Variants in VPS41 observed in about 807,000 individuals in gnomAD.
The protein encoded by VPS41 is vacuolar protein sorting-associated protein 41 homolog.
A neutral mutation model predicts 130.9 loss-of-function variants in VPS41; 85 were observed. That is an observed-to-expected ratio of 0.65 (90% CI 0.55 to 0.78). VPS41 has a LOEUF of 0.78. Ranked by LOEUF, VPS41 falls within the 30% of genes least tolerant of loss-of-function variation. The pLI is 0.00. For missense variants in VPS41, 874 were observed against 1,018.7 expected, an observed-to-expected ratio of 0.86 and a Z score of 1.93; for synonymous variants, 335 against 332.9, an observed-to-expected ratio of 1.01 and a Z score of -0.07.
chr7:38,868,152 G>T (rs900534623), intron 3 of VPS41, among the ~76,000 whole-genome samples: 2 of 152,126 alleles, frequency 1.3e-5, no homozygotes, highest in Non-Finnish European at 2.9e-5. Context: ...AGGGTCACTG[G>T]AATGAAATTT....
rs1443015568 is a variant in VPS41 at position 38,817,873 on chromosome 7, C to T, written c.394G>A (p.Val132Met). The change falls in exon 7 of 29, where the codon GTG becomes ATG. Residue 132 changes from valine to methionine, a missense_variant. Physicochemically the swap from Val to Met is conservative, Grantham distance 21 (BLOSUM62 1). Coordinates refer to ENST00000310301, the MANE Select transcript of VPS41 (RefSeq NM_014396.4). ...TFDCPIKIIAVHPHFVRSSCK... is the reference protein window; with the variant it reads ...TFDCPIKIIAMHPHFVRSSCK... ...CTGGATCTCACGAAATGTGGGTGCA[C>T]AGCAATAATCTACAAGAGAAACAGA... The T allele has an allele frequency of 6.2e-7, 1 of 1,613,934 alleles. No individual in the cohort carries two copies.
chr7:38,906,010 G>A (rs1028288150), intron 1 of VPS41, among the ~76,000 whole-genome samples: 2 of 151,802 alleles, frequency 1.3e-5, no homozygotes, highest in African/African-American at 2.4e-5. Flanking sequence ...TGGCCCGTCT[G>A]GTCTCGAACT....
At chr7:38,898,020 G>T in intron 2 of VPS41, 71 bp downstream of exon 2, 2 of 1,420,558 alleles carry the variant, frequency 1.4e-6, no homozygotes, top group South Asian at 1.2e-5. Flanking sequence ...GTTGCATTTA[G>T]CAAAGAAGCG....
intron 25 of VPS41, among the ~76,000 whole-genome samples, chr7:38,735,011 G>A (rs1795736217): frequency 6.6e-6 from 1 of 152,026 alleles, no homozygotes; most frequent in African/African-American, 2.4e-5. Flanking sequence ...GAGATCCTAA[G>A]GTCTTATGTT....
chr7:38,774,728 C>A (rs1784225145), intron 11 of VPS41, among the ~76,000 whole-genome samples: 1 of 152,116 alleles, frequency 6.6e-6, no homozygotes, highest in Non-Finnish European at 1.5e-5. Context: ...ATGTGAATCT[C>A]ATTTTATACT....
chr7:38,872,454 T>C (rs1786388972), intron 2 of VPS41, among the ~76,000 whole-genome samples: 1 of 152,242 alleles, frequency 6.6e-6, no homozygotes, highest in Non-Finnish European at 1.5e-5. Flanking sequence ...GAGGCCATCA[T>C]GCAGGCTATT....
intron 10 of VPS41, among the ~76,000 whole-genome samples, chr7:38,785,150 G>A (rs1784417826): frequency 6.6e-6 from 1 of 152,182 alleles, no homozygotes; most frequent in Admixed American, 6.6e-5. Context: ...ATAATCAACT[G>A]GATGTAATAC....
At chr7:38,879,382 T>C (rs1280894097) in intron 2 of VPS41, among the ~76,000 whole-genome samples, 1 of 152,182 alleles carries the variant, frequency 6.6e-6, no homozygotes, top group African/African-American at 2.4e-5. Flanking sequence ...GTAGAGATGC[T>C]TGTTAGGGGC....
intron 25 of VPS41, among the ~76,000 whole-genome samples, chr7:38,737,956 T>C (rs930401992): frequency 1.1e-4 from 16 of 152,196 alleles, no homozygotes; most frequent in African/African-American, 3.4e-4. Context: ...CTGCAGCCCC[T>C]AAAGCATCTA....
chr7:38,896,830 C>T lies in VPS41; in HGVS notation c.60+1261G>A, dbSNP rs760419815. On this transcript the variant is annotated intron_variant, in intron 2 of 28. Coordinates refer to ENST00000310301, the MANE Select transcript of VPS41 (RefSeq NM_014396.4). Reference sequence around the variant, plus strand: ...ACAGATACATTTTCATTCCTCTGAGCGAAATGAAATATTAAAAGGAAAAAT... The same window carrying T: ...ACAGATACATTTTCATTCCTCTGAGTGAAATGAAATATTAAAAGGAAAAAT... 3.9e-5 allele frequency among the ~76,000 whole-genome samples: 6 copies of T among 152,056 alleles called. No individual in the cohort carries two copies. In the South Asian group the frequency reaches 8.3e-4, roughly 21 times the overall value.
At chr7:38,768,127 A>C (rs920893577) in intron 14 of VPS41, among the ~76,000 whole-genome samples, 2 of 152,158 alleles carry the variant, frequency 1.3e-5, no homozygotes, top group Admixed American at 1.3e-4. Flanking sequence ...TTTACAGAAG[A>C]AATTGGGCTG....
At position 38,726,413 on chromosome 7, in the gene VPS41, A is replaced by T. The variant is rs1795546174; in HGVS notation, c.2485-87T>A. On this transcript the variant is annotated intron_variant, in intron 28 of 28. Transcript: ENST00000310301. ...CAGAAACACTAAGGTAGCGTTAGTCAGGGGGTGGAGAGGAAGTAATAGGAT... is the reference window on the plus strand; with the variant it reads ...CAGAAACACTAAGGTAGCGTTAGTCTGGGGGTGGAGAGGAAGTAATAGGAT... 4.9e-6 allele frequency: 5 copies of T among 1,015,938 alleles called. No individual in the cohort carries two copies. In the South Asian group the frequency reaches 7.0e-5, roughly 14 times the overall value. The allele number at this position is 1,015,938 out of a possible 1,614,324, so 62.9% of individuals were successfully genotyped here.
intron 10 of VPS41, among the ~76,000 whole-genome samples, chr7:38,780,186 TG>T (rs1259558888): frequency 5.2e-5 from 6 of 114,464 alleles, no homozygotes; most frequent in Admixed American, 1.1e-4. Flanking sequence ...TTTTGGTTTT[TG>T]TTTTTTTTTT....
intron 7 of VPS41, among the ~76,000 whole-genome samples, chr7:38,808,675 C>A (rs1210094901): frequency 6.6e-6 from 1 of 152,134 alleles, no homozygotes; most frequent in East Asian, 1.9e-4. Context: ...AGGTAGAAGG[C>A]TACAATCAAG....
At position 38,725,928 on chromosome 7, in the gene VPS41, TG is replaced by T. The variant is rs1156950231; in HGVS notation, c.*317del. 2 of 196,586 alleles carry T rather than the reference TG, an allele frequency of 1.0e-5. No homozygotes were observed. The highest frequency in any genetic ancestry group is 2.1e-5 in the Non-Finnish European group (2 of 97,520). The allele number at this position is 196,586 out of a possible 1,614,324, so 12.2% of individuals were successfully genotyped here. On this transcript the variant is annotated 3_prime_UTR_variant, in exon 29 of 29. Coordinates refer to ENST00000310301, the MANE Select transcript of VPS41 (RefSeq NM_014396.4). ...CTCAGTTGTCCATTTTATGGTTAAA[TG>T]GTTTTACTAAGGTCTAAAAAATTCA... is the stretch of plus-strand genomic sequence containing the variant.
rs1285379956 is a variant in VPS41, at chr7:38,789,801, C to G, written c.784G>C (p.Val262Leu). 1.9e-6 allele frequency: 3 copies of G among 1,613,564 alleles called. No homozygotes were observed. Among genetic ancestry groups the G allele is most frequent in the Non-Finnish European group, 2.5e-6 (3 of 1,179,610 alleles). ...CAGAAGGCAAGTGTTGGAGCCATAC[C>G]TATTTCAACATATCGACTTGGCAAA... ...RDLPSRYVEI[V>L]SQFETEFYIS... The change falls in exon 10 of 29, where the codon GTG becomes CTG. Residue 262 changes from valine to leucine, a missense_variant and splice_region_variant. Physicochemically the swap from Val to Leu is conservative, Grantham distance 32 (BLOSUM62 1). Coordinates refer to ENST00000310301, the MANE Select transcript of VPS41 (RefSeq NM_014396.4).
rs116488197 is a variant in VPS41, at chr7:38,883,795, G to A, written c.60+14296C>T. ...CAATCTCTAAGAAAGGGGCGTAATA[G>A]AGATTCAAAAATCTTGCCCCCAGAA... On this transcript the variant is annotated intron_variant, in intron 2 of 28. Coordinates refer to ENST00000310301, the MANE Select transcript of VPS41 (RefSeq NM_014396.4). Among the ~76,000 whole-genome samples, 1,302 of 152,204 alleles carry A rather than the reference G, an allele frequency of 8.6e-3. 21 individuals carry two copies. Among genetic ancestry groups the A allele is most frequent in the African/African-American group, 0.03 (1,243 of 41,512 alleles).
At chr7:38,906,206 A>T (rs1787257708) in intron 1 of VPS41, among the ~76,000 whole-genome samples, 1 of 152,226 alleles carries the variant, frequency 6.6e-6, no homozygotes, top group Non-Finnish European at 1.5e-5. Context: ...AAAACAAATC[A>T]GAGAAAAGCC....
chr7:38,750,593 A>G (rs998418618), intron 22 of VPS41, among the ~76,000 whole-genome samples: 3 of 152,214 alleles, frequency 2.0e-5, no homozygotes, highest in Non-Finnish European at 4.4e-5. Flanking sequence ...TACAAGGTCT[A>G]CACAAATGCT....
Sources: gnomAD v4.1 joint callset for allele counts (sites outside exome capture counted in the v4.1 genomes callset) on GRCh38, gnomAD v4.1.1 for gene constraint, MANE v1.5 for transcripts, NCBI Gene and HGNC (gene_info 2026-07-23, HGNC 2026-07-21) for gene names.